Variants in YWHAE observed in about 807,000 individuals in gnomAD.
YWHAE encodes tyrosine 3-monooxygenase/tryptophan 5-monooxygenase activation protein epsilon.
In YWHAE, 4 loss-of-function variants were observed where a neutral mutation model predicts 30.1. The observed-to-expected ratio is 0.13, with a 90% CI of 0.07 to 0.30. The LOEUF (loss-of-function observed/expected upper bound fraction) is 0.30. Ranked by LOEUF, YWHAE falls within the 10% of genes least tolerant of loss-of-function variation. The probability of loss-of-function intolerance (pLI) is 1.00; values close to 1 mark genes in which losing one functional copy is unlikely to be tolerated. For missense variants in YWHAE, 121 were observed against 315.9 expected, an observed-to-expected ratio of 0.38 and a Z score of 4.68; for synonymous variants, 118 against 111.8, an observed-to-expected ratio of 1.06 and a Z score of -0.35.
chr17:1,355,419 A>G (rs571854588), intron 4 of YWHAE, among the ~76,000 whole-genome samples: 9 of 152,074 alleles, frequency 5.9e-5, no homozygotes, highest in South Asian at 4.1e-4. Context: ...TCAGCCTCCC[A>G]AAGTGCTGGA....
At chr17:1,349,383 G>T (rs1342756606) in intron 5 of YWHAE, among the ~76,000 whole-genome samples, 1 of 152,082 alleles carries the variant, frequency 6.6e-6, no homozygotes, top group Non-Finnish European at 1.5e-5. Flanking sequence ...TCAAACTGAT[G>T]AACAATTTCT....
At chr17:1,388,523 CAA>C (rs771810570) in intron 1 of YWHAE, among the ~76,000 whole-genome samples, 3 of 124,416 alleles carry the variant, frequency 2.4e-5, no homozygotes, top group Admixed American at 8.3e-5. Flanking sequence ...GACTCTGTCT[CAA>C]AAAAAAAAAA....
chr17:1,359,295 C>T (rs1247250533), intron 4 of YWHAE, among the ~76,000 whole-genome samples: 1 of 152,040 alleles, frequency 6.6e-6, no homozygotes, highest in Non-Finnish European at 1.5e-5. Context: ...AGAGACAGAA[C>T]AAGATCCTGT....
In YWHAE at chr17:1,399,893, C is replaced by T. The variant is rs1039546463; in HGVS notation, c.64+154G>A. On this transcript the variant is annotated intron_variant, in intron 1 of 5. Coordinates refer to ENST00000264335, the MANE Select transcript of YWHAE (RefSeq NM_006761.5). ...TTCCAGGGCATAGAGCCTCCCATCG[C>T]CCCGGGAGCTCCCAGGCCATTTCCT... 2.1e-5 allele frequency: 18 copies of T among 870,978 alleles called. No individual in the cohort carries two copies. The African/African-American group carries it at 2.6e-4, about 13-fold the overall frequency. The allele number at this position is 870,978 out of a possible 1,614,324, so 54.0% of individuals were successfully genotyped here.
At chr17:1,381,986 A>G (rs1283022811) in intron 1 of YWHAE, among the ~76,000 whole-genome samples, 1 of 148,962 alleles carries the variant, frequency 6.7e-6, no homozygotes, top group Non-Finnish European at 1.5e-5. Flanking sequence ...CACTGGAGCA[A>G]AGAAAAAGTT....
intron 1 of YWHAE, among the ~76,000 whole-genome samples, chr17:1,374,163 A>AT (rs143801813): frequency 0.012 from 1,880 of 152,064 alleles, 33 homozygotes; most frequent in East Asian, 0.052. Flanking sequence ...AAATACAAAA[A>AT]TTAGGCTGCC....
At chr17:1,360,828 T>G (rs1300905890) in intron 4 of YWHAE, among the ~76,000 whole-genome samples, 2 of 152,074 alleles carry the variant, frequency 1.3e-5, no homozygotes. Flanking sequence ...TTCCTCTCAT[T>G]TCCTTCCTCT....
At chr17:1,348,134 T>C (rs767555292) in intron 5 of YWHAE, 32 of 245,312 alleles carry the variant, frequency 1.3e-4, no homozygotes, top group Non-Finnish European at 2.1e-4. Flanking sequence ...TTACTTCGTG[T>C]AAACTTCACT....
intron 5 of YWHAE, among the ~76,000 whole-genome samples, chr17:1,349,835 C>G (rs1205410738): frequency 6.6e-6 from 1 of 152,026 alleles, no homozygotes; most frequent in African/African-American, 2.4e-5. Context: ...AGGATGGTCT[C>G]AATCTTCTGA....
intron 5 of YWHAE, among the ~76,000 whole-genome samples, chr17:1,353,470 A>T (rs1390330176): frequency 6.7e-6 from 1 of 149,862 alleles, no homozygotes. Flanking sequence ...AGAAAAGAAA[A>T]GAATAAAAAC....
rs570734168 is a variant in YWHAE, at chr17:1,386,943, G to A, written c.64+13104C>T. ...CACTCCAGTCTGGGCAACAGAGTGA[G>A]ACTCCGTCTCAAAAGGAAAAAAAAA... is the stretch of plus-strand genomic sequence containing the variant. On this transcript the variant is annotated intron_variant, in intron 1 of 5. Coordinates refer to ENST00000264335, the MANE Select transcript of YWHAE (RefSeq NM_006761.5). Among the ~76,000 whole-genome samples, 5 of 142,432 alleles carry A rather than the reference G, an allele frequency of 3.5e-5. No homozygotes were observed. In the South Asian group the frequency reaches 1.1e-3, roughly 32 times the overall value. 93.4% of individuals were successfully genotyped at this position (142,432 alleles called of 152,430 possible). A position where few individuals can be genotyped will look rare whatever the true frequency, so the allele number is the denominator to read the frequency against.
At chr17:1,383,326 G>T (rs1457554160) in intron 1 of YWHAE, among the ~76,000 whole-genome samples, 7 of 151,920 alleles carry the variant, frequency 4.6e-5, no homozygotes, top group Non-Finnish European at 8.8e-5. Context: ...CTCCAGCCTG[G>T]GCAACAAGAG....
chr17:1,356,958 C>CA (rs34819954), intron 4 of YWHAE, among the ~76,000 whole-genome samples: 4,859 of 146,306 alleles, frequency 0.033, 85 homozygotes, highest in Middle Eastern at 0.043. Flanking sequence ...TCAAACAAAC[C>CA]AAAAAAAAAC....
At chr17:1,399,607 C>T (rs1242001585) in intron 1 of YWHAE, 2 of 211,384 alleles carry the variant, frequency 9.5e-6, no homozygotes, top group African/African-American at 4.7e-5. Context: ...CGCGCTACAG[C>T]TCCCGGTCTT....
intron 5 of YWHAE, among the ~76,000 whole-genome samples, chr17:1,352,719 G>C (rs978864440): frequency 6.6e-6 from 1 of 152,004 alleles, no homozygotes; most frequent in Non-Finnish European, 1.5e-5. Flanking sequence ...TAGGGACGGG[G>C]TTTCCCCGTG....
chr17:1,377,158 C>G (rs1014263009), intron 1 of YWHAE, among the ~76,000 whole-genome samples: 3 of 152,204 alleles, frequency 2.0e-5, no homozygotes, highest in Admixed American at 2.0e-4. Flanking sequence ...AGGTGATCCA[C>G]CTGCCTCGGC....
chr17:1,388,140 T>TTTTTTTTTTTTTTTTTTTTG (rs2073335333), intron 1 of YWHAE, among the ~76,000 whole-genome samples: 1 of 117,082 alleles, frequency 8.5e-6, no homozygotes, highest in African/African-American at 3.5e-5. Context: ...TTTTTTTTTT[T>TTTTTTTTTTTTTTTTTTTTG]TTAGTAGAGA....
At chr17:1,369,757 T>C (rs1288108483) in intron 1 of YWHAE, 12 of 152,188 alleles carry the variant, frequency 7.9e-5, no homozygotes, top group African/African-American at 2.4e-4. Flanking sequence ...AAAAAAAATA[T>C]TGCAATAAAG....
At chr17:1,351,907 C>A (rs1315933038) in intron 5 of YWHAE, among the ~76,000 whole-genome samples, 1 of 152,032 alleles carries the variant, frequency 6.6e-6, no homozygotes. Context: ...CCTGCCTCAG[C>A]CTTGCAAGTA....
Sources: allele counts gnomAD v4.1 joint callset (sites outside exome capture counted in the v4.1 genomes callset), GRCh38; gene constraint gnomAD v4.1.1; transcripts MANE v1.5; gene names NCBI Gene and HGNC (gene_info 2026-07-23, HGNC 2026-07-21).